Variants in TCF4 observed in about 807,000 individuals in gnomAD.
TCF4 encodes the protein SL3-3 enhancer factor 2.
A neutral mutation model predicts 82.1 loss-of-function variants in TCF4; 3 were observed. The ratio of observed to expected loss-of-function variants is 0.04; its 90% CI spans 0.02 to 0.09. The LOEUF (loss-of-function observed/expected upper bound fraction) is 0.09. Among genes scored for constraint, TCF4 ranks in the 10% least tolerant of loss-of-function variants. TCF4 has a pLI of 1.00. For synonymous variants in TCF4, 276 were observed against 309.6 expected (o/e 0.89, Z 1.14); for missense variants, 518 against 852.7 (o/e 0.61, Z 4.89).
chr18:55,497,141 A>C (rs2096646424), intron 3 of TCF4, among the ~76,000 whole-genome samples: 2 of 152,206 alleles, frequency 1.3e-5, no homozygotes, highest in African/African-American at 4.8e-5. Flanking sequence ...ATGATGAACA[A>C]ATTTTTTAAA....
chr18:55,385,265 C>T (rs998062001), intron 6 of TCF4, among the ~76,000 whole-genome samples: 28 of 152,176 alleles, frequency 1.8e-4, no homozygotes, highest in African/African-American at 6.3e-4. Flanking sequence ...TACATTTAAA[C>T]TTGACCCTGA....
intron 13 of TCF4, chr18:55,259,637 C>A (rs947292220): frequency 2.1e-5 from 6 of 283,810 alleles, no homozygotes; most frequent in Non-Finnish European, 4.0e-5. Flanking sequence ...TCATCTGAGA[C>A]GTTTTATTGG....
chr18:55,540,825 T>C (rs2097159235), intron 3 of TCF4, among the ~76,000 whole-genome samples: 1 of 152,048 alleles, frequency 6.6e-6, no homozygotes, highest in Non-Finnish European at 1.5e-5. Flanking sequence ...CCACAGGCCT[T>C]CATTCAGTCT....
intron 5 of TCF4, among the ~76,000 whole-genome samples, chr18:55,424,052 A>C (rs1273262726): frequency 1.3e-5 from 2 of 152,132 alleles, no homozygotes; most frequent in African/African-American, 4.8e-5. Flanking sequence ...CATTACGCTC[A>C]TTAATTTTTA....
chr18:55,576,599 C>T (rs1172858576), intron 3 of TCF4, among the ~76,000 whole-genome samples: 1 of 152,122 alleles, frequency 6.6e-6, no homozygotes. Context: ...TCCTGATATG[C>T]ACGCTCAGTC....
chr18:55,248,013 G>A (rs2053833197), intron 15 of TCF4, among the ~76,000 whole-genome samples: 1 of 152,210 alleles, frequency 6.6e-6, no homozygotes, highest in African/African-American at 2.4e-5. Context: ...CAGGAAATCT[G>A]TAGGGAGATT....
At chr18:55,324,343 C>T (rs1483047441) in intron 8 of TCF4, among the ~76,000 whole-genome samples, 1 of 152,166 alleles carries the variant, frequency 6.6e-6, no homozygotes, top group African/African-American at 2.4e-5. Flanking sequence ...CCTTGGAGTA[C>T]ATTTCAATCA....
At chr18:55,450,578 G>C (rs530748540) in intron 5 of TCF4, among the ~76,000 whole-genome samples, 1 of 152,286 alleles carries the variant, frequency 6.6e-6, no homozygotes, top group Non-Finnish European at 1.5e-5. Context: ...ACTCTTAAGA[G>C]TAAGGGGAAT....
At chr18:55,521,976 G>A (rs1298121565) in intron 3 of TCF4, among the ~76,000 whole-genome samples, 2 of 152,242 alleles carry the variant, frequency 1.3e-5, no homozygotes, top group South Asian at 2.1e-4. Context: ...CCATCCCCAC[G>A]GCTGGGGAAA....
At chr18:55,250,264 A>G (rs2145323071) in intron 15 of TCF4, among the ~76,000 whole-genome samples, 1 of 152,328 alleles carries the variant, frequency 6.6e-6, no homozygotes. Context: ...GAATAAGTGC[A>G]TAGATAATGT....
chr18:55,603,610 G>A (rs373491867), intron 2 of TCF4, among the ~76,000 whole-genome samples: 2 of 152,056 alleles, frequency 1.3e-5, no homozygotes, highest in Non-Finnish European at 2.9e-5. Flanking sequence ...TGGAACAGGC[G>A]ACACAAACTC....
At chr18:55,507,025 G>A (rs1305099233) in intron 3 of TCF4, among the ~76,000 whole-genome samples, 1 of 152,048 alleles carries the variant, frequency 6.6e-6, no homozygotes, top group Non-Finnish European at 1.5e-5. Context: ...ACCACGTCTG[G>A]CTAATTTTTG....
chr18:55,483,382 C>T (rs1204151665), intron 3 of TCF4, among the ~76,000 whole-genome samples: 3 of 152,144 alleles, frequency 2.0e-5, no homozygotes, highest in South Asian at 2.1e-4. Flanking sequence ...AATACTCATT[C>T]GTTTCACAAA....
chr18:55,379,194 A>G (rs912548183), intron 6 of TCF4, among the ~76,000 whole-genome samples: 1 of 152,200 alleles, frequency 6.6e-6, no homozygotes, highest in African/African-American at 2.4e-5. Context: ...TCTTTTCTTT[A>G]AAAGGTAGCA....
intron 8 of TCF4, among the ~76,000 whole-genome samples, chr18:55,288,022 A>G (rs1299582331): frequency 6.6e-6 from 1 of 152,198 alleles, no homozygotes; most frequent in Non-Finnish European, 1.5e-5. Context: ...AATATTACAA[A>G]TTAAATCTGC....
intron 3 of TCF4, among the ~76,000 whole-genome samples, chr18:55,565,056 T>C (rs2097390968): frequency 6.6e-6 from 1 of 152,028 alleles, no homozygotes; most frequent in Non-Finnish European, 1.5e-5. Flanking sequence ...GAAAGAACAC[T>C]AGGAGAGGAA....
chr18:55,533,855 C>T (rs2097091871), intron 3 of TCF4, among the ~76,000 whole-genome samples: 1 of 152,184 alleles, frequency 6.6e-6, no homozygotes, highest in Admixed American at 6.5e-5. Context: ...TCTCATCTAC[C>T]TTTCCCTTGT....
chr18:55,588,133 C>T lies in TCF4; in HGVS notation c.-116G>A. ...GCCACCGCCGCCGCCTGCTCCTGCG[C>T]CCGCTCCCGCGCCTGCTGCCTCCCC... On this transcript the variant is annotated 5_prime_UTR_variant, in exon 1 of 20. Coordinates refer to ENST00000354452, the MANE Select transcript of TCF4 (RefSeq NM_001083962.2). 1 of 1,062,648 alleles carries T rather than the reference C, an allele frequency of 9.4e-7. No homozygotes were observed. Among genetic ancestry groups the T allele is most frequent in the Non-Finnish European group, 1.1e-6 (1 of 885,778 alleles). The allele number at this position is 1,062,648 out of a possible 1,614,324, so 65.8% of individuals were successfully genotyped here. A position where few individuals can be genotyped will look rare whatever the true frequency, so the allele number is the denominator to read the frequency against.
At chr18:55,234,035 C>T (rs1327862402) in intron 16 of TCF4, among the ~76,000 whole-genome samples, 1 of 151,992 alleles carries the variant, frequency 6.6e-6, no homozygotes, top group Non-Finnish European at 1.5e-5. Context: ...CAGCAATAGC[C>T]CAACTTCCTG....
Sources: allele counts gnomAD v4.1 joint callset (sites outside exome capture counted in the v4.1 genomes callset), GRCh38; gene constraint gnomAD v4.1.1; transcripts MANE v1.5; gene names NCBI Gene and HGNC (gene_info 2026-07-23, HGNC 2026-07-21).